Variants in HEG1 observed in about 807,000 individuals in gnomAD.
HEG1 encodes heart development protein with EGF like domains 1.
A neutral mutation model predicts 125.6 loss-of-function variants in HEG1; 56 were observed. The ratio of observed to expected loss-of-function variants is 0.45; its 90% CI spans 0.36 to 0.56. The LOEUF (loss-of-function observed/expected upper bound fraction) is 0.56, where lower values mean the gene tolerates loss of function less well. HEG1 is among the 20% of genes least tolerant of loss of function. The pLI, the probability that HEG1 is intolerant of heterozygous loss-of-function variation, is 0.00. For missense variants in HEG1, 1,523 were observed against 1,670.0 expected, an observed-to-expected ratio of 0.91 and a Z score of 1.53; for synonymous variants, 644 against 668.5, an observed-to-expected ratio of 0.96 and a Z score of 0.57.
intron 15 of HEG1, 33 bp downstream of exon 15, chr3:124,977,826 A>T: frequency 7.1e-7 from 1 of 1,405,014 alleles, no homozygotes; most frequent in Non-Finnish European, 9.9e-7. Flanking sequence ...CAGGCAAAGG[A>T]ACGGGATTGG....
intron 9 of HEG1, 56 bp from the exon 10 acceptor site, chr3:125,002,371 T>G (rs887805667): frequency 1.4e-6 from 2 of 1,452,134 alleles, no homozygotes; most frequent in Admixed American, 3.8e-5. Context: ...GCCTTGGACC[T>G]AGAACCAGTT....
intron 11 of HEG1, among the ~76,000 whole-genome samples, chr3:125,001,195 C>A (rs1936993567): frequency 1.3e-5 from 2 of 150,824 alleles, no homozygotes; most frequent in African/African-American, 4.9e-5. Context: ...TTATAATGTG[C>A]AAACAAACAA....
chr3:125,013,734 G>A lies in HEG1; in HGVS notation c.1845C>T (p.Asp615=), dbSNP rs759380849. ...QTERSNISSY[D]GEYAQPSTES... The stretch of plus-strand genomic sequence containing the variant: ...CAGTAGAAGGCTGAGCATATTCCCC[G>A]TCATAGGATGAGATGTTACTTCTCT... The change falls in exon 6 of 17, where the codon GAC becomes GAT. Residue 615 remains aspartate (D), a synonymous_variant. Transcript: ENST00000311127. The A allele has an allele frequency of 5.0e-5, 80 of 1,613,898 alleles. No homozygotes were observed. The highest frequency in any genetic ancestry group is 1.6e-4 in the Middle Eastern group (1 of 6,084).
In HEG1 at chr3:125,055,613, C is replaced by T. The variant is rs1937919397; in HGVS notation, c.278G>A (p.Arg93Gln). ...TCTGGGGGCCCGGCCGGAGGGTCCC[C>T]GCTGTGTCGCGGCGCCTGGCTCAGG... ...RAPEPGAATQRGPSGRAPRGG... is the reference protein window; with the variant it reads ...RAPEPGAATQQGPSGRAPRGG... Residue 93 changes from arginine to glutamine, a missense_variant, in exon 1 of 17, where the codon CGG becomes CAG. By Grantham distance (43) the Arg-to-Gln change is conservative. Coordinates refer to ENST00000311127, the MANE Select transcript of HEG1 (RefSeq NM_020733.2). 2 of 1,205,034 alleles carry T rather than the reference C, an allele frequency of 1.7e-6. No individual in the cohort carries two copies. Among genetic ancestry groups the T allele is most frequent in the South Asian group, 4.1e-5 (1 of 24,168 alleles). 74.6% of individuals were successfully genotyped at this position (1,205,034 alleles called of 1,614,324 possible).
At chr3:125,038,314 C>A (rs116113353) in intron 1 of HEG1, among the ~76,000 whole-genome samples, 1 of 152,198 alleles carries the variant, frequency 6.6e-6, no homozygotes, top group African/African-American at 2.4e-5. Flanking sequence ...GGACGCACAG[C>A]GTGAGACCTG....
chr3:125,052,135 C>T (rs577082919), intron 1 of HEG1, among the ~76,000 whole-genome samples: 14 of 151,230 alleles, frequency 9.3e-5, no homozygotes, highest in South Asian at 8.4e-4. Context: ...TGCCCCCTCC[C>T]GCCTCCCCCC....
chr3:124,971,229 T>A (rs1936417095), intron 16 of HEG1: 1 of 454,564 alleles, frequency 2.2e-6, no homozygotes, highest in Admixed American at 2.4e-5. Flanking sequence ...AATAAAATAC[T>A]AGCTACTATG....
intron 11 of HEG1, among the ~76,000 whole-genome samples, 154 bp from the exon 12 acceptor site, chr3:124,997,977 C>T (rs551052798): frequency 3.3e-5 from 5 of 152,226 alleles, no homozygotes; most frequent in Non-Finnish European, 7.3e-5. Flanking sequence ...GAGCAACACT[C>T]CTCTCAGGAG....
In HEG1 at chr3:125,055,564, C is replaced by T. The variant is rs1439421710; in HGVS notation, c.316+11G>A. ...GACTGGCCAGGCGCCAGGTTCCCGG[C>T]TCTCACTCACCCGCGCTCCCGCCTC... On this transcript the variant is annotated intron_variant, in intron 1 of 16. Transcript: ENST00000311127. The T allele has an allele frequency of 7.5e-6, 9 of 1,203,386 alleles. No homozygotes were observed. In the African/African-American group the frequency reaches 1.4e-4, roughly 19 times the overall value. The allele number at this position is 1,203,386 out of a possible 1,614,324, so 74.5% of individuals were successfully genotyped here.
intron 5 of HEG1, chr3:125,014,633 C>G (rs1326101399): frequency 8.9e-7 from 1 of 1,120,222 alleles, no homozygotes; most frequent in Non-Finnish European, 1.1e-6. Context: ...TGACAGCTAA[C>G]TGAATCATCC....
intron 14 of HEG1, among the ~76,000 whole-genome samples, chr3:124,984,231 G>A (rs1330502749): frequency 6.6e-6 from 1 of 152,180 alleles, no homozygotes; most frequent in East Asian, 1.9e-4. Flanking sequence ...CTGGCTTCAC[G>A]GGAAGAGGGC....
intron 1 of HEG1, among the ~76,000 whole-genome samples, chr3:125,036,218 A>AAAAAAAAAAAAG (rs1023172963): frequency 1.4e-5 from 2 of 147,444 alleles, no homozygotes; most frequent in African/African-American, 4.9e-5. Context: ...TCAAAAAAAA[A>AAAAAAAAAAAAG]AAAAAAAAGA....
At chr3:125,012,590 C>A in intron 6 of HEG1, 33 bp downstream of exon 6, 1 of 1,585,442 alleles carries the variant, frequency 6.3e-7, no homozygotes, top group South Asian at 1.2e-5. Context: ...CTGGGCCTTG[C>A]AGTTAACATG....
At position 124,970,541 on chromosome 3, in the gene HEG1, G is replaced by T; in HGVS notation, c.*111C>A. The T allele has an allele frequency of 1.1e-6, 1 of 914,474 alleles. No homozygotes were observed. Among genetic ancestry groups the T allele is most frequent in the Non-Finnish European group, 1.6e-6 (1 of 608,760 alleles). The allele number at this position is 914,474 out of a possible 1,614,324, so 56.6% of individuals were successfully genotyped here. A position where few individuals can be genotyped will look rare whatever the true frequency, so the allele number is the denominator to read the frequency against. On this transcript the variant is annotated 3_prime_UTR_variant, in exon 17 of 17. Transcript: ENST00000311127. ...CGCATGCCTGTCCCTCTTCCTGCTT[G>T]CCACTCAGCGTGGCTCCCGACAAAT...
intron 5 of HEG1, among the ~76,000 whole-genome samples, chr3:125,017,589 T>C (rs971224642): frequency 3.9e-5 from 6 of 152,304 alleles, no homozygotes; most frequent in South Asian, 2.1e-4. Flanking sequence ...TTGGTGAAGA[T>C]GTAGCAACAT....
intron 7 of HEG1, 64 bp from the exon 8 acceptor site, chr3:125,009,888 G>A (rs1937126401): frequency 3.3e-6 from 5 of 1,527,044 alleles, no homozygotes; most frequent in Non-Finnish European, 3.5e-6. Context: ...ATAACCCAGT[G>A]TAGTAAGTAC....
At chr3:125,025,639 A>G (rs1937405685) in intron 3 of HEG1, among the ~76,000 whole-genome samples, 1 of 152,244 alleles carries the variant, frequency 6.6e-6, no homozygotes, top group Non-Finnish European at 1.5e-5. Flanking sequence ...GATTTTTCAA[A>G]TATACCACCA....
At chr3:125,002,128 C>G (rs977372963) in intron 10 of HEG1, 116 bp from the exon 11 acceptor site, 2 of 1,513,820 alleles carry the variant, frequency 1.3e-6, no homozygotes, top group Admixed American at 1.7e-5. Context: ...GCATGAAGGT[C>G]AGTGACCTTG....
chr3:125,032,397 A>AT (rs1937510316), intron 1 of HEG1, among the ~76,000 whole-genome samples: 1 of 152,202 alleles, frequency 6.6e-6, no homozygotes, highest in African/African-American at 2.4e-5. Flanking sequence ...CCTGTGGGTG[A>AT]TAATTAACAG....
Sources: allele counts gnomAD v4.1 joint callset (sites outside exome capture counted in the v4.1 genomes callset), GRCh38; gene constraint gnomAD v4.1.1; transcripts MANE v1.5; gene names NCBI Gene and HGNC (gene_info 2026-07-23, HGNC 2026-07-21).